Variants in CDK5RAP2 observed in about 807,000 individuals in gnomAD.
CDK5RAP2 encodes CDK5 regulatory subunit associated protein 2.
A neutral mutation model predicts 232.9 loss-of-function variants in CDK5RAP2; 147 were observed. That is an observed-to-expected ratio of 0.63 (90% confidence interval 0.55 to 0.72). The LOEUF is 0.72. Ranked by LOEUF, CDK5RAP2 falls within the 30% of genes least tolerant of loss-of-function variation. The pLI is 0.00. For missense variants in CDK5RAP2, 2,195 were observed against 2,231.5 expected (o/e 0.98, Z 0.33); for synonymous variants, 833 against 833.7 (o/e 1.00, Z 0.01).
intron 27 of CDK5RAP2, among the ~76,000 whole-genome samples, chr9:120,416,028 A>G (rs1463066399): frequency 6.6e-6 from 1 of 152,214 alleles, no homozygotes; most frequent in African/African-American, 2.4e-5. Flanking sequence ...CACAACTTAT[A>G]GAAAAAAAAA....
rs2034640094 is a variant in CDK5RAP2, at chr9:120,422,710, C to T, written c.3987G>A (p.Gln1329=). 1 of 1,613,020 alleles carries T rather than the reference C, an allele frequency of 6.2e-7. No homozygotes were observed. Among genetic ancestry groups the T allele is most frequent in the African/African-American group, 1.3e-5 (1 of 74,898 alleles). The change falls in exon 26 of 38, where the codon CAG becomes CAA. Residue 1329 remains glutamine (Q), a synonymous_variant. Transcript: ENST00000349780. ...GKSVGVEMNT[Q]NELMERIEED... ...ACACTCACCTCTCCATCAGTTCATT[C>T]TGGGTGTTCATTTCCACTCCAACTG...
In CDK5RAP2 at chr9:120,412,081, G is replaced by A. The variant is rs141398441; in HGVS notation, c.4298-607C>T. 4.1e-3 allele frequency among the ~76,000 whole-genome samples: 631 copies of A among 152,128 alleles called. 4 individuals carry two copies. The highest frequency in any genetic ancestry group is 0.014 in the African/African-American group (595 of 41,490). ...ACTTTACTCTCTAACCTTGCCTCCC[G>A]GCTGTTCTGCCAATGGGGTTATTAT... is the stretch of plus-strand genomic sequence containing the variant. On this transcript the variant is annotated intron_variant, in intron 28 of 37. Transcript: ENST00000349780.
At chr9:120,488,063 C>T (rs2038705735) in intron 13 of CDK5RAP2, among the ~76,000 whole-genome samples, 1 of 152,166 alleles carries the variant, frequency 6.6e-6, no homozygotes, top group African/African-American at 2.4e-5. Context: ...CATTCAACAA[C>T]ACAACAGGAC....
chr9:120,541,114 T>G (rs1182796622), intron 5 of CDK5RAP2, among the ~76,000 whole-genome samples: 1 of 152,116 alleles, frequency 6.6e-6, no homozygotes, highest in East Asian at 1.9e-4. Flanking sequence ...GGCTACAGGA[T>G]TTCTCCAGGA....
intron 29 of CDK5RAP2, among the ~76,000 whole-genome samples, chr9:120,410,384 A>G (rs1477795699): frequency 2.0e-5 from 3 of 151,960 alleles, no homozygotes; most frequent in African/African-American, 7.3e-5. Flanking sequence ...GCTCCTCTCA[A>G]TCTTCAGCAC....
At chr9:120,422,817 A>C (rs962033646) in intron 25 of CDK5RAP2, 76 bp from the exon 26 acceptor site, 3 of 1,053,506 alleles carry the variant, frequency 2.8e-6, no homozygotes, top group Admixed American at 1.7e-5. Context: ...TCCTGCTCAT[A>C]CATTTGCAGA....
Position 120,501,860 on chromosome 9 carries a change from G to A in CDK5RAP2, c.1312-10383C>T, listed in dbSNP as rs1446245336. Among the ~76,000 whole-genome samples, 3 of 152,126 alleles carry A rather than the reference G, an allele frequency of 2.0e-5. No homozygotes were observed. The East Asian group carries it at 5.8e-4, about 29-fold the overall frequency. ...GGTATAATGAAATGATTGTTGTTTT[G>A]GGGTAATTTGTTATGCAGCAATAGA... On this transcript the variant is annotated intron_variant, in intron 12 of 37. Coordinates refer to ENST00000349780, the MANE Select transcript of CDK5RAP2 (RefSeq NM_018249.6).
At position 120,518,554 on chromosome 9, in the gene CDK5RAP2, T is replaced by A; in HGVS notation, c.1184A>T (p.His395Leu). Residue 395 changes from histidine (H) to leucine (L), a missense_variant, in exon 12 of 38, where the codon CAC (histidine) becomes CTC (leucine). Transcript: ENST00000349780. ...SQNLTKSTEN[H>L]RLRRSIKKIT... ...CTTCTTAATGCTTCTACGCAGTCTG[T>A]GGTTCTCTGTACTCTTGGTGAGGTT... 1.2e-6 allele frequency: 2 copies of A among 1,613,792 alleles called. No homozygotes were observed. The highest frequency in any genetic ancestry group is 1.7e-6 in the Non-Finnish European group (2 of 1,179,980).
At chr9:120,578,432 GA>G (rs962322911) in intron 1 of CDK5RAP2, among the ~76,000 whole-genome samples, 2 of 152,054 alleles carry the variant, frequency 1.3e-5, no homozygotes, top group African/African-American at 4.8e-5. Flanking sequence ...AATTAGACAG[GA>G]ACTGCAAAGC....
chr9:120,514,162 C>T (rs1221983820), intron 12 of CDK5RAP2, among the ~76,000 whole-genome samples: 3 of 152,210 alleles, frequency 2.0e-5, no homozygotes, highest in African/African-American at 7.2e-5. Flanking sequence ...TTGTTGGAAA[C>T]ATGTATGTAA....
At chr9:120,441,806 C>T (rs2035913971) in intron 23 of CDK5RAP2, among the ~76,000 whole-genome samples, 1 of 152,146 alleles carries the variant, frequency 6.6e-6, no homozygotes. Flanking sequence ...TTTTATTATA[C>T]ACAATGTTAT....
intron 5 of CDK5RAP2, among the ~76,000 whole-genome samples, chr9:120,542,833 T>C (rs1464264044): frequency 2.6e-5 from 4 of 151,942 alleles, no homozygotes; most frequent in African/African-American, 7.3e-5. Context: ...AAACATAGAG[T>C]ATTATCATTC....
At chr9:120,561,303 G>C (rs935158273) in intron 3 of CDK5RAP2, among the ~76,000 whole-genome samples, 2 of 151,888 alleles carry the variant, frequency 1.3e-5, no homozygotes, top group African/African-American at 4.8e-5. Flanking sequence ...AGAAATAACA[G>C]AATTTTTTTT....
chr9:120,463,250 A>C (rs950359997), intron 18 of CDK5RAP2, among the ~76,000 whole-genome samples: 11 of 152,180 alleles, frequency 7.2e-5, no homozygotes, highest in Admixed American at 2.6e-4. Context: ...GGGCGCCTGT[A>C]GTCCCAGCTA....
In CDK5RAP2 at chr9:120,422,148, C is replaced by T. The variant is rs563947725; in HGVS notation, c.4004+545G>A. ...CAAGTGCTACAGCAAGAATCACTGA[C>T]GCTGGGATGTGGTGGAGAGGGAGGG... On this transcript the variant is annotated intron_variant, in intron 26 of 37. Coordinates refer to ENST00000349780, the MANE Select transcript of CDK5RAP2 (RefSeq NM_018249.6). Among the ~76,000 whole-genome samples, 15 of 152,306 alleles carry T rather than the reference C, an allele frequency of 9.8e-5. No individual in the cohort carries two copies. The East Asian group carries it at 2.7e-3, about 27-fold the overall frequency.
intron 20 of CDK5RAP2, among the ~76,000 whole-genome samples, chr9:120,456,096 TAA>T (rs1335068934): frequency 6.6e-6 from 1 of 152,084 alleles, no homozygotes; most frequent in Non-Finnish European, 1.5e-5. Context: ...AAAAAATTCA[TAA>T]GAGGGAGTTA....
chr9:120,494,160 A>G (rs1054440225), intron 12 of CDK5RAP2, among the ~76,000 whole-genome samples: 2 of 151,450 alleles, frequency 1.3e-5, no homozygotes, highest in Non-Finnish European at 2.9e-5. Context: ...TCATGATCAC[A>G]CACACACACA....
rs144837685 is a variant in CDK5RAP2, at chr9:120,437,304, A to T, written c.3946T>A (p.Phe1316Ile). The change falls in exon 25 of 38, where the codon TTT (phenylalanine) becomes ATT (isoleucine). Residue 1316 changes from phenylalanine (F) to isoleucine (I), a missense_variant. Transcript: ENST00000349780. ...ACCTCACCCTACCTACCGTTGAGAAATAGCTTTTCCAATTTCTCCAGCAGC... is the reference window on the plus strand; with the variant it reads ...ACCTCACCCTACCTACCGTTGAGAATTAGCTTTTCCAATTTCTCCAGCAGC... The part of the protein sequence containing the change: ...AELLEKLEKL[F>I]LNGKSVGVEM... 2.4e-5 allele frequency: 38 copies of T among 1,612,200 alleles called. No homozygotes were observed. The African/African-American group carries it at 4.4e-4, about 19-fold the overall frequency.
Position 120,439,992 on chromosome 9 carries a change from A to G in CDK5RAP2, c.3149-20T>C. ...CAGAGTCTGAAAATCAAATACACTT[A>G]TGTCAGTATCTCTTTTACTAAAATC... On this transcript the variant is annotated intron_variant, in intron 23 of 37. Coordinates refer to ENST00000349780, the MANE Select transcript of CDK5RAP2 (RefSeq NM_018249.6). 2.5e-6 allele frequency: 4 copies of G among 1,603,012 alleles called. No homozygotes were observed. Among genetic ancestry groups the G allele is most frequent in the Non-Finnish European group, 3.4e-6 (4 of 1,172,392 alleles).
Sources: allele counts gnomAD v4.1 joint callset (sites outside exome capture counted in the v4.1 genomes callset), GRCh38; gene constraint gnomAD v4.1.1; transcripts MANE v1.5; gene names NCBI Gene and HGNC (gene_info 2026-07-23, HGNC 2026-07-21).